FCHO2: variants seen among roughly 807,000 people sequenced by gnomAD.
The protein encoded by FCHO2 is F-BAR domain only protein 2.
In FCHO2, 43 loss-of-function variants were observed where a neutral mutation model predicts 114.1. The ratio of observed to expected loss-of-function variants is 0.38; its 90% confidence interval spans 0.30 to 0.49. The LOEUF (loss-of-function observed/expected upper bound fraction) is 0.49. FCHO2 is among the 20% of genes least tolerant of loss of function. The probability of loss-of-function intolerance (pLI) is 0.97; values close to 1 mark genes in which losing one functional copy is unlikely to be tolerated. For synonymous variants in FCHO2, 293 were observed against 315.2 expected (o/e 0.93, Z 0.75); for missense variants, 807 against 950.4 (o/e 0.85, Z 1.98).
chr5:73,085,774 CAAAAAATAAATAAATAAATA>C lies in FCHO2; in HGVS notation c.2246-1812_2246-1793del, dbSNP rs2037627357. Among the ~76,000 whole-genome samples, 5 of 135,762 alleles carry C rather than the reference CAAAAAATAAATAAATAAATA, an allele frequency of 3.7e-5. No homozygotes were observed. The South Asian group carries it at 1.3e-3, about 34-fold the overall frequency. The allele number at this position is 135,762 out of a possible 152,430, so 89.1% of individuals were successfully genotyped here. On this transcript the variant is annotated intron_variant, in intron 24 of 25. Transcript: ENST00000430046. ...TGGGCCTTAGAGGGAGACTCTGTCT[CAAAAAATAAATAAATAAATA>C]AATAAATAAATAAATAAATAAATAA...
chr5:73,021,025 A>G, intron 8 of FCHO2: 2 of 1,254,982 alleles, frequency 1.6e-6, no homozygotes, highest in Non-Finnish European at 2.3e-6. Context: ...GAAATGAGCC[A>G]AAGTTCACAT....
At position 73,082,045 on chromosome 5, in the gene FCHO2, A is replaced by G. The variant is rs1393202333; in HGVS notation, c.2180+63A>G. ...TTTGTTGCAATCCCCAACTTCTAGA[A>G]CCCAAGTTCTGTAAGTTTTCTTAGA... On this transcript the variant is annotated intron_variant, in intron 23 of 25. Transcript: ENST00000430046. The G allele has an allele frequency of 3.0e-6, 4 of 1,334,276 alleles. No homozygotes were observed. The South Asian group carries it at 6.5e-5, about 22-fold the overall frequency. The allele number at this position is 1,334,276 out of a possible 1,614,324, so 82.7% of individuals were successfully genotyped here. A position where few individuals can be genotyped will look rare whatever the true frequency, so the allele number is the denominator to read the frequency against.
chr5:73,012,539 AACC>A (rs1417957107), intron 6 of FCHO2, among the ~76,000 whole-genome samples: 1 of 151,522 alleles, frequency 6.6e-6, no homozygotes, highest in Non-Finnish European at 1.5e-5. Context: ...GAGTTGCTTG[AACC>A]CATGAGGCAG....
chr5:73,060,008 G>A (rs1757780561), intron 17 of FCHO2, among the ~76,000 whole-genome samples: 1 of 151,910 alleles, frequency 6.6e-6, no homozygotes, highest in African/African-American at 2.4e-5. Flanking sequence ...TGGTATCACA[G>A]AGGTTTTATT....
intron 11 of FCHO2, among the ~76,000 whole-genome samples, chr5:73,048,508 C>A (rs1348596235): frequency 6.6e-6 from 1 of 152,148 alleles, no homozygotes; most frequent in African/African-American, 2.4e-5. Context: ...CATGCAAATA[C>A]TGAAACCGAA....
At chr5:73,005,775 A>G (rs1437482950) in intron 5 of FCHO2, among the ~76,000 whole-genome samples, 5 of 152,294 alleles carry the variant, frequency 3.3e-5, no homozygotes, top group Middle Eastern at 3.4e-3. Context: ...TAGGTTGTAC[A>G]GTACTGCTTA....
At chr5:73,041,183 TAG>T in intron 10 of FCHO2, 106 bp from the exon 11 acceptor site, 1 of 676,746 alleles carries the variant, frequency 1.5e-6, no homozygotes, top group East Asian at 3.0e-5. Flanking sequence ...ATATTTTTTG[TAG>T]AGTTTAAATA....
At chr5:73,009,431 G>A (rs1344024456) in intron 6 of FCHO2, among the ~76,000 whole-genome samples, 1 of 152,210 alleles carries the variant, frequency 6.6e-6, no homozygotes, top group East Asian at 1.9e-4. Context: ...ATAAAAAAGA[G>A]CGTTCAGCAC....
intron 19 of FCHO2, among the ~76,000 whole-genome samples, chr5:73,072,706 A>G (rs893688252): frequency 2.0e-5 from 3 of 152,108 alleles, no homozygotes; most frequent in African/African-American, 7.2e-5. Context: ...GACAGCAAGT[A>G]GAATGGTGGT....
intron 11 of FCHO2, among the ~76,000 whole-genome samples, chr5:73,044,571 A>G (rs958458170): frequency 8.5e-5 from 13 of 152,180 alleles, no homozygotes; most frequent in Admixed American, 7.2e-4. Context: ...ATTATTGTTC[A>G]TTTCTTATTC....
intron 8 of FCHO2, among the ~76,000 whole-genome samples, chr5:73,027,902 A>G (rs1452810865): frequency 6.6e-6 from 1 of 152,190 alleles, no homozygotes; most frequent in African/African-American, 2.4e-5. Flanking sequence ...AAAATTTAAA[A>G]GGCTGACTAT....
At chr5:73,003,669 G>A (rs941269096) in intron 5 of FCHO2, among the ~76,000 whole-genome samples, 1 of 152,072 alleles carries the variant, frequency 6.6e-6, no homozygotes, top group Non-Finnish European at 1.5e-5. Context: ...AAAAAAGTAG[G>A]TATCAGGATG....
intron 23 of FCHO2, 139 bp from the exon 24 acceptor site, chr5:73,082,622 C>A: frequency 1.5e-6 from 1 of 681,490 alleles, no homozygotes; most frequent in Non-Finnish European, 2.5e-6. Context: ...AACACATTTT[C>A]ACCAGTTAAT....
rs114128147 is a variant in FCHO2 at position 73,056,244 on chromosome 5, A to T, written c.1253+137A>T. 712 of 636,014 alleles carry T rather than the reference A, an allele frequency of 1.1e-3. 7 individuals are homozygous for T. In the African/African-American group the frequency reaches 0.012, roughly 11 times the overall value. The allele number at this position is 636,014 out of a possible 1,614,324, so 39.4% of individuals were successfully genotyped here. A position where few individuals can be genotyped will look rare whatever the true frequency, so the allele number is the denominator to read the frequency against. On this transcript the variant is annotated intron_variant, in intron 16 of 25. Coordinates refer to ENST00000430046, the MANE Select transcript of FCHO2 (RefSeq NM_138782.3). Reference sequence around the variant, plus strand: ...CCCCTTCATATGCCCAGTCTCTCTCACAGTCAAATTCTCTCACCAGAGTGG... The same window carrying T: ...CCCCTTCATATGCCCAGTCTCTCTCTCAGTCAAATTCTCTCACCAGAGTGG...
At chr5:73,043,665 T>A (rs1756918340) in intron 11 of FCHO2, among the ~76,000 whole-genome samples, 1 of 152,220 alleles carries the variant, frequency 6.6e-6, no homozygotes. Context: ...TAAGTTGATC[T>A]GTGTCTGCTG....
chr5:73,011,759 A>G (rs1269901192), intron 6 of FCHO2, among the ~76,000 whole-genome samples: 2 of 152,058 alleles, frequency 1.3e-5, no homozygotes, highest in Non-Finnish European at 2.9e-5. Flanking sequence ...AAAAATACAG[A>G]AATTAGCTGG....
At chr5:73,084,851 C>T (rs1034790194) in intron 24 of FCHO2, among the ~76,000 whole-genome samples, 7 of 152,122 alleles carry the variant, frequency 4.6e-5, no homozygotes, top group Non-Finnish European at 7.3e-5. Context: ...TTCAGCTGGC[C>T]AACTGCATTG....
intron 12 of FCHO2, 51 bp from the exon 13 acceptor site, chr5:73,052,281 C>T (rs778294961): frequency 6.6e-5 from 98 of 1,477,386 alleles, no homozygotes; most frequent in Non-Finnish European, 8.3e-5. Flanking sequence ...GTGTGAAAAA[C>T]TGGTTATACG....
intron 11 of FCHO2, among the ~76,000 whole-genome samples, chr5:73,050,353 T>G (rs1260251277): frequency 6.7e-6 from 1 of 150,196 alleles, no homozygotes; most frequent in African/African-American, 2.5e-5. Flanking sequence ...CAGAGCTCGC[T>G]CTTTTGCCAG....
Sources: gnomAD v4.1 joint callset for allele counts (sites outside exome capture counted in the v4.1 genomes callset) on GRCh38, gnomAD v4.1.1 for gene constraint, MANE v1.5 for transcripts, NCBI Gene and HGNC (gene_info 2026-07-23, HGNC 2026-07-21) for gene names.